Variants in ZNF695 observed in about 807,000 individuals in gnomAD.
ZNF695 encodes zinc finger protein 695, also known as zinc finger protein SBZF3.
ZNF695 carries 11 observed loss-of-function variants against 11.2 expected under a neutral mutation model. That is an observed-to-expected ratio of 0.98 (90% CI 0.62 to 1.62). ZNF695 has a LOEUF of 1.62. Ranked by LOEUF, ZNF695 falls within the 40% of genes most tolerant of loss-of-function variation. The pLI is 0.00. For synonymous variants in ZNF695, 190 were observed against 201.4 expected, an observed-to-expected ratio of 0.94 and a Z score of 0.48; for missense variants, 559 against 590.5, an observed-to-expected ratio of 0.95 and a Z score of 0.55.
intron 3 of ZNF695, among the ~76,000 whole-genome samples, chr1:246,992,036 C>T (rs1337091321): frequency 6.6e-6 from 1 of 152,042 alleles, no homozygotes; most frequent in African/African-American, 2.4e-5. Context: ...TGGTGGCGGG[C>T]ACCTGCAGTC....
chr1:246,999,452 G>GA lies in ZNF695; in HGVS notation c.167-13dup. The GA allele has an allele frequency of 6.2e-7, 1 of 1,601,486 alleles. No homozygotes were observed. The highest frequency in any genetic ancestry group is 8.5e-7 in the Non-Finnish European group (1 of 1,170,536). Reference sequence around the variant, plus strand: ...AGACATAGCAAGACCTGTTTTATTAGAAAAAAGGTGCATGATTCTTGCAGG... The same window carrying GA: ...AGACATAGCAAGACCTGTTTTATTAGAAAAAAAGGTGCATGATTCTTGCAGG... On this transcript the variant is annotated splice_polypyrimidine_tract_variant and intron_variant, in intron 2 of 3. Coordinates refer to ENST00000339986, the MANE Select transcript of ZNF695 (RefSeq NM_020394.5).
intron 5 of ZNF695, among the ~76,000 whole-genome samples, chr1:246,955,137 C>T (rs866969063): frequency 6.6e-5 from 10 of 152,174 alleles, no homozygotes; most frequent in Admixed American, 2.0e-4. Context: ...CTTTGCTCCT[C>T]CTTCACCTTC....
intron 5 of ZNF695, among the ~76,000 whole-genome samples, chr1:246,955,494 G>GA (rs1302240549): frequency 5.9e-5 from 9 of 152,132 alleles, no homozygotes; most frequent in African/African-American, 2.2e-4. Context: ...ATTAAGAGTA[G>GA]AAGCTCTCCC....
intron 5 of ZNF695, among the ~76,000 whole-genome samples, chr1:246,954,180 A>G (rs1050006104): frequency 2.0e-5 from 3 of 152,212 alleles, no homozygotes; most frequent in Non-Finnish European, 2.9e-5. Context: ...CTTGCCAATC[A>G]GGCCAACCTT....
chr1:246,983,780 T>G (rs1032191174), downstream of ZNF695, among the ~76,000 whole-genome samples: 1 of 152,154 alleles, frequency 6.6e-6, no homozygotes, highest in Non-Finnish European at 1.5e-5. Flanking sequence ...ATTGCACCAC[T>G]GCACTCCAGC....
rs934671397 is a variant in ZNF695, at chr1:246,965,692, G to A, written c.488+2003C>T. ...GTGGAGGGTGCAATGAGCTGAGATC[G>A]TTCCACCGTACGACCATACGAGCTG... On this transcript the variant is annotated intron_variant, in intron 5 of 5. Transcript: ENST00000487338. Among the ~76,000 whole-genome samples, 12 of 151,958 alleles carry A rather than the reference G, an allele frequency of 7.9e-5. No individual in the cohort carries two copies. The East Asian group carries it at 1.2e-3, about 15-fold the overall frequency.
chr1:246,997,811 T>C (rs1317063366), intron 3 of ZNF695, among the ~76,000 whole-genome samples: 2 of 152,076 alleles, frequency 1.3e-5, no homozygotes, highest in Non-Finnish European at 2.9e-5. Context: ...GAAAAACAAA[T>C]ACTTCCTGTT....
chr1:246,975,064 CCATTT>C (rs1423860241), intron 4 of ZNF695, among the ~76,000 whole-genome samples: 2 of 152,140 alleles, frequency 1.3e-5, no homozygotes, highest in Non-Finnish European at 2.9e-5. Flanking sequence ...TTACTTCATT[CCATTT>C]ATTATTTGAA....
chr1:246,963,806 T>C (rs1425014215), intron 5 of ZNF695, among the ~76,000 whole-genome samples: 1 of 152,142 alleles, frequency 6.6e-6, no homozygotes, highest in African/African-American at 2.4e-5. Flanking sequence ...CCTGACACTA[T>C]GTACCTGGAG....
chr1:247,007,823 C>T, intron 1 of ZNF695, 83 bp downstream of exon 1: 2 of 1,436,494 alleles, frequency 1.4e-6, no homozygotes, highest in Non-Finnish European at 1.9e-6. Flanking sequence ...AGGCCCGGGG[C>T]CGCCAGCGCT....
intron 4 of ZNF695, among the ~76,000 whole-genome samples, chr1:246,976,486 C>T (rs1366521608): frequency 6.6e-6 from 1 of 152,112 alleles, no homozygotes; most frequent in East Asian, 1.9e-4. Context: ...AAATAAACAA[C>T]ACATGACAAA....
chr1:246,970,936 T>G (rs1464222810), intron 4 of ZNF695, among the ~76,000 whole-genome samples: 1 of 152,146 alleles, frequency 6.6e-6, no homozygotes, highest in Non-Finnish European at 1.5e-5. Flanking sequence ...CCAGCCCTAT[T>G]GGGTCTGTGG....
chr1:246,981,539 A>G (rs1399319419), downstream of ZNF695, among the ~76,000 whole-genome samples: 2 of 152,216 alleles, frequency 1.3e-5, no homozygotes, highest in Non-Finnish European at 2.9e-5. Flanking sequence ...AGACTCAAAA[A>G]TAAAGTTTTC....
downstream of ZNF695, among the ~76,000 whole-genome samples, chr1:246,983,129 G>T (rs1469106638): frequency 6.6e-6 from 1 of 151,852 alleles, no homozygotes; most frequent in East Asian, 1.9e-4. Flanking sequence ...GCATGAACCT[G>T]GGAGGCAGAG....
rs1324073861 is a variant in ZNF695, at chr1:246,987,961, T to C, written c.554A>G (p.Lys185Arg). ...AGAGACATTGCCACATTCTTTGCAT[T>C]TGAATGGTTTTTCTCCAGTATGGCT... ...KISHTGEKPF[K>R]CKECGNVSCM... Residue 185 changes from lysine to arginine, a missense_variant, in exon 4 of 4, where the codon AAA becomes AGA. Coordinates refer to ENST00000339986, the MANE Select transcript of ZNF695 (RefSeq NM_020394.5). The C allele has an allele frequency of 6.2e-7, 1 of 1,609,262 alleles. No homozygotes were observed.
rs1215891312 is a variant in ZNF695 at position 246,988,093 on chromosome 1, T to C, written c.422A>G (p.Tyr141Cys). The change falls in exon 4 of 4, where the codon TAT (tyrosine) becomes TGT (cysteine). Residue 141 changes from tyrosine (Y) to cysteine (C), a missense_variant. Coordinates refer to ENST00000339986, the MANE Select transcript of ZNF695 (RefSeq NM_020394.5). ...VGEWKGQKAS[Y>C]NGLDLCSATT... Reference sequence around the variant, plus strand: ...TGCTGAGCATAGGTCAAGTCCATTATAACTTGCCTTCTGCCCTTTCCACTC... The same window carrying C: ...TGCTGAGCATAGGTCAAGTCCATTACAACTTGCCTTCTGCCCTTTCCACTC... The C allele has an allele frequency of 6.2e-7, 1 of 1,613,598 alleles. No individual in the cohort carries two copies. Among genetic ancestry groups the C allele is most frequent in the Non-Finnish European group, 8.5e-7 (1 of 1,179,750 alleles).
In ZNF695 at chr1:246,988,490, G is replaced by A. The variant is rs138648119; in HGVS notation, c.260-235C>T. ...ATGACGTACAATGAAGCTCCAGTAC[G>A]CCTCACTGCAGACTTTTCACCGGAA... On this transcript the variant is annotated intron_variant, in intron 3 of 3. Transcript: ENST00000339986. Among the ~76,000 whole-genome samples, 192 of 152,112 alleles carry A rather than the reference G, an allele frequency of 1.3e-3. 1 individual carries two copies. The highest frequency in any genetic ancestry group is 5.9e-4 in the Non-Finnish European group (40 of 68,030).
At chr1:246,992,556 T>G (rs1483342827) in intron 3 of ZNF695, among the ~76,000 whole-genome samples, 1 of 152,222 alleles carries the variant, frequency 6.6e-6, no homozygotes, top group Non-Finnish European at 1.5e-5. Flanking sequence ...GAGTATAATT[T>G]GTCTGTAAGT....
rs115901265 is a variant in ZNF695 at position 246,966,119 on chromosome 1, C to A, written c.488+1576G>T. On this transcript the variant is annotated intron_variant, in intron 5 of 5. Coordinates refer to the ZNF695 transcript ENST00000487338. ...AAGAATAAGGGCAAAGAGCCTGGGGCAGAGGCATACTTCAACTGTGAAGGA... is the reference window on the plus strand; with the variant it reads ...AAGAATAAGGGCAAAGAGCCTGGGGAAGAGGCATACTTCAACTGTGAAGGA... Among the ~76,000 whole-genome samples the A allele has an allele frequency of 4.8e-3, 725 of 152,144 alleles. 6 individuals are homozygous for A. The highest frequency in any genetic ancestry group is 0.016 in the African/African-American group (675 of 41,476).
Sources: allele counts gnomAD v4.1 joint callset (sites outside exome capture counted in the v4.1 genomes callset), GRCh38; gene constraint gnomAD v4.1.1; transcripts MANE v1.5; gene names NCBI Gene and HGNC (gene_info 2026-07-23, HGNC 2026-07-21).